Variants in NELL1 observed in about 807,000 individuals in gnomAD.
NELL1 encodes the protein neural EGFL like 1, also known as protein kinase C-binding protein NELL1.
In NELL1, 76 loss-of-function variants were observed where a neutral mutation model predicts 107.4. The observed-to-expected ratio is 0.71, with a 90% CI of 0.59 to 0.86. The LOEUF is 0.86. Among genes scored for constraint, NELL1 ranks in the 40% least tolerant of loss-of-function variants. The pLI is 0.00. For missense variants in NELL1, 1,024 were observed against 1,005.5 expected (o/e 1.02, Z -0.25); for synonymous variants, 353 against 341.2 (o/e 1.03, Z -0.38).
intron 3 of NELL1, among the ~76,000 whole-genome samples, chr11:20,813,951 T>C (rs936333192): frequency 4.1e-4 from 62 of 151,626 alleles, no homozygotes; most frequent in Non-Finnish European, 8.0e-4. Context: ...CTTTTATTAA[T>C]TTAATTTATT....
intron 2 of NELL1, among the ~76,000 whole-genome samples, chr11:20,731,232 A>G (rs926248913): frequency 1.1e-4 from 17 of 152,222 alleles, no homozygotes; most frequent in African/African-American, 4.1e-4. Flanking sequence ...TACTCTGTGA[A>G]TGTCTTGACA....
At chr11:21,430,028 G>A (rs911209838) in intron 15 of NELL1, among the ~76,000 whole-genome samples, 3 of 152,232 alleles carry the variant, frequency 2.0e-5, no homozygotes, top group African/African-American at 7.2e-5. Context: ...TCAGATACTT[G>A]TTATATGTTC....
At chr11:21,345,333 A>G (rs769441293) in intron 14 of NELL1, among the ~76,000 whole-genome samples, 1 of 152,230 alleles carries the variant, frequency 6.6e-6, no homozygotes, top group Admixed American at 6.5e-5. Flanking sequence ...CACACACAAA[A>G]TGAGTGTTTA....
At chr11:20,787,255 T>C (rs1590294345) in intron 3 of NELL1, among the ~76,000 whole-genome samples, 1 of 151,788 alleles carries the variant, frequency 6.6e-6, no homozygotes, top group Admixed American at 6.6e-5. Context: ...TGGCTGGGGG[T>C]AATAGAGAAA....
intron 5 of NELL1, among the ~76,000 whole-genome samples, chr11:20,901,544 A>T (rs1014609244): frequency 1.8e-4 from 24 of 135,310 alleles, no homozygotes; most frequent in Non-Finnish European, 3.6e-4. Flanking sequence ...ATGAACTTGT[A>T]ATCAGTTCCC....
chr11:21,155,459 C>G (rs1026221611), intron 13 of NELL1, among the ~76,000 whole-genome samples: 13 of 152,018 alleles, frequency 8.6e-5, no homozygotes, highest in Admixed American at 8.5e-4. Flanking sequence ...CTAGGTAAAT[C>G]AGTGTTTAAG....
At chr11:20,687,800 C>T (rs1346443163) in intron 2 of NELL1, among the ~76,000 whole-genome samples, 2 of 151,950 alleles carry the variant, frequency 1.3e-5, no homozygotes, top group Non-Finnish European at 2.9e-5. Flanking sequence ...ACCATGTTGG[C>T]CAGGCTGGTC....
intron 15 of NELL1, among the ~76,000 whole-genome samples, chr11:21,498,697 A>C (rs1421049428): frequency 6.6e-6 from 1 of 152,014 alleles, no homozygotes; most frequent in Non-Finnish European, 1.5e-5. Flanking sequence ...TCATCACAGG[A>C]TAGGACTATA....
At position 21,080,194 on chromosome 11, in the gene NELL1, A is replaced by T. The variant is rs1030126773; in HGVS notation, c.1301-33395A>T. Among the ~76,000 whole-genome samples the T allele has an allele frequency of 5.9e-5, 9 of 152,058 alleles. No homozygotes were observed. The East Asian group carries it at 1.7e-3, about 29-fold the overall frequency. On this transcript the variant is annotated intron_variant, in intron 12 of 19. Transcript: ENST00000357134. ...TCTTATTTTTTCATTTCAATTAAAT[A>T]TAATGGCTTTATTTTTAAAAAGCAA... is the stretch of plus-strand genomic sequence containing the variant.
chr11:21,504,994 T>C (rs1296960079), intron 15 of NELL1, among the ~76,000 whole-genome samples: 1 of 152,178 alleles, frequency 6.6e-6, no homozygotes, highest in Non-Finnish European at 1.5e-5. Flanking sequence ...CCAAACATTT[T>C]CCCCCTTTTT....
intron 17 of NELL1, among the ~76,000 whole-genome samples, chr11:21,570,227 C>A (rs1001095462): frequency 6.6e-6 from 1 of 151,792 alleles, no homozygotes; most frequent in Non-Finnish European, 1.5e-5. Context: ...GAGACCATAA[C>A]AATTGGTGGT....
At chr11:21,131,125 C>G (rs1315780252) in intron 13 of NELL1, among the ~76,000 whole-genome samples, 2 of 152,138 alleles carry the variant, frequency 1.3e-5, no homozygotes, top group African/African-American at 4.8e-5. Flanking sequence ...CCTCTTGCAA[C>G]TAGGATGTGC....
intron 14 of NELL1, among the ~76,000 whole-genome samples, chr11:21,285,755 A>C (rs921474732): frequency 1.3e-5 from 2 of 152,220 alleles, no homozygotes; most frequent in African/African-American, 4.8e-5. Flanking sequence ...TTTACGGTTT[A>C]CTTTCAATCT....
chr11:20,988,034 C>T (rs1401795243), intron 12 of NELL1, among the ~76,000 whole-genome samples: 3 of 151,696 alleles, frequency 2.0e-5, no homozygotes, highest in African/African-American at 7.3e-5. Flanking sequence ...CTGTGCTCAG[C>T]GTTCTGAGTC....
At chr11:21,496,895 C>A (rs916963559) in intron 15 of NELL1, among the ~76,000 whole-genome samples, 1 of 152,004 alleles carries the variant, frequency 6.6e-6, no homozygotes, top group Non-Finnish European at 1.5e-5. Flanking sequence ...TTTGTCCTTG[C>A]AATAGTTTGC....
At chr11:21,179,861 A>ATTTTT (rs1856791147) in intron 13 of NELL1, among the ~76,000 whole-genome samples, 3 of 41,028 alleles carry the variant, frequency 7.3e-5, no homozygotes, top group African/African-American at 3.0e-4. Context: ...AAATCAACAC[A>ATTTTT]CTTTTTTTTT....
At chr11:21,272,081 G>A (rs1410202976) in intron 14 of NELL1, among the ~76,000 whole-genome samples, 1 of 152,228 alleles carries the variant, frequency 6.6e-6, no homozygotes, top group Non-Finnish European at 1.5e-5. Flanking sequence ...AGTGCACCGA[G>A]CATGAGCCGA....
At chr11:21,032,085 T>A (rs1175231389) in intron 12 of NELL1, among the ~76,000 whole-genome samples, 1 of 148,988 alleles carries the variant, frequency 6.7e-6, no homozygotes, top group South Asian at 2.1e-4. Flanking sequence ...ATAATAATAA[T>A]GATAAAATAA....
intron 14 of NELL1, among the ~76,000 whole-genome samples, chr11:21,277,290 A>G (rs1422760363): frequency 6.6e-6 from 1 of 152,104 alleles, no homozygotes; most frequent in Non-Finnish European, 1.5e-5. Flanking sequence ...CAAAAGACAC[A>G]TGAAAAAATG....
Sources: allele counts gnomAD v4.1 joint callset (sites outside exome capture counted in the v4.1 genomes callset), GRCh38; gene constraint gnomAD v4.1.1; transcripts MANE v1.5; gene names NCBI Gene and HGNC (gene_info 2026-07-23, HGNC 2026-07-21).